TRIM44: variants seen among roughly 807,000 people sequenced by gnomAD.
TRIM44 encodes the protein tripartite motif-containing protein 44.
Under a neutral mutation model 37.4 loss-of-function variants are expected in TRIM44, and 13 were observed. The ratio of observed to expected loss-of-function variants is 0.35; its 90% CI spans 0.23 to 0.55. The LOEUF (loss-of-function observed/expected upper bound fraction) is 0.55. Ranked by LOEUF, TRIM44 falls within the 20% of genes least tolerant of loss-of-function variation. TRIM44 has a pLI of 0.89. For synonymous variants in TRIM44, 175 were observed against 157.2 expected (o/e 1.11, Z -0.85); for missense variants, 426 against 437.2 (o/e 0.97, Z 0.23).
rs914492275 is a variant in TRIM44 at position 35,738,706 on chromosome 11, G to A, written c.1007+3261G>A. ...CAAGCCAAATAGAGTTTTGTTCCAA[G>A]GGCTTCTGTATTGCTGACAGTACTA... On this transcript the variant is annotated intron_variant, in intron 4 of 4. Coordinates refer to ENST00000299413, the MANE Select transcript of TRIM44 (RefSeq NM_017583.6). Among the ~76,000 whole-genome samples the A allele has an allele frequency of 4.6e-5, 7 of 152,224 alleles. No individual in the cohort carries two copies. The South Asian group carries it at 1.5e-3, about 32-fold the overall frequency.
In TRIM44 at chr11:35,806,384, G is replaced by A. The variant is rs200834184; in HGVS notation, c.1034G>A (p.Ter345=). The change falls in exon 5 of 5, where the codon TGA becomes TAA. Residue 345 remains the stop codon, a stop_retained_variant. Transcript: ENST00000299413. ...GGTGCCAGTGAAGAAGAGGACACATGAAGGCTTGCTACCCCCAGTGGAAAA... is the reference window on the plus strand; with the variant it reads ...GGTGCCAGTGAAGAAGAGGACACATAAAGGCTTGCTACCCCCAGTGGAAAA... ...PSGASEEEDT[*] is the part of the protein sequence containing the mutation. 3.5e-5 allele frequency: 57 copies of A among 1,613,688 alleles called. No individual in the cohort carries two copies. Among genetic ancestry groups the A allele is most frequent in the Admixed American group, 1.8e-4 (11 of 60,010 alleles).
At chr11:35,792,111 A>ACACACACACTCTCTCT (rs796092540) in intron 4 of TRIM44, among the ~76,000 whole-genome samples, 118 of 114,358 alleles carry the variant, frequency 1.0e-3, no homozygotes, top group African/African-American at 1.9e-3. Flanking sequence ...ACACACACAC[A>ACACACACACTCTCTCT]CTCTCTCTCA....
intron 4 of TRIM44, among the ~76,000 whole-genome samples, chr11:35,770,149 T>A (rs1394421066): frequency 6.6e-6 from 1 of 152,196 alleles, no homozygotes; most frequent in African/African-American, 2.4e-5. Flanking sequence ...CAAATGAGAA[T>A]ATGCAGTATT....
chr11:35,723,271 A>T (rs781213699), intron 2 of TRIM44, among the ~76,000 whole-genome samples: 11 of 152,200 alleles, frequency 7.2e-5, no homozygotes, highest in Non-Finnish European at 1.3e-4. Flanking sequence ...TAAAATTAGA[A>T]GGTTAGATTC....
At chr11:35,801,453 A>G (rs977919729) in intron 4 of TRIM44, among the ~76,000 whole-genome samples, 44 of 152,204 alleles carry the variant, frequency 2.9e-4, no homozygotes, top group African/African-American at 1.0e-3. Flanking sequence ...AGGAAAAGAA[A>G]CTATTAAACT....
intron 2 of TRIM44, among the ~76,000 whole-genome samples, chr11:35,718,281 GTC>G (rs1590538640): frequency 1.3e-5 from 2 of 152,044 alleles, no homozygotes; most frequent in East Asian, 3.9e-4. Flanking sequence ...CCATTTGATG[GTC>G]ACCCCACCCC....
At chr11:35,709,009 A>G (rs960769193) in intron 2 of TRIM44, among the ~76,000 whole-genome samples, 1 of 149,658 alleles carries the variant, frequency 6.7e-6, no homozygotes, top group Admixed American at 6.6e-5. Flanking sequence ...AAAGAACTTT[A>G]CTGAGAGGAG....
intron 4 of TRIM44, among the ~76,000 whole-genome samples, chr11:35,796,751 G>A (rs1853297465): frequency 6.6e-6 from 1 of 152,176 alleles, no homozygotes; most frequent in Non-Finnish European, 1.5e-5. Context: ...CAAAGAAAAG[G>A]AAAAACTTAA....
intron 4 of TRIM44, among the ~76,000 whole-genome samples, chr11:35,774,611 T>G (rs1852925511): frequency 6.6e-6 from 1 of 152,244 alleles, no homozygotes; most frequent in African/African-American, 2.4e-5. Flanking sequence ...GTCTAACATG[T>G]AAGTCTTTAA....
At chr11:35,704,712 G>A (rs1187669769) in intron 2 of TRIM44, among the ~76,000 whole-genome samples, 1 of 152,182 alleles carries the variant, frequency 6.6e-6, no homozygotes, top group Non-Finnish European at 1.5e-5. Context: ...AGCAAATGCT[G>A]AGAGATTTTG....
At position 35,663,649 on chromosome 11, in the gene TRIM44, C is replaced by T; in HGVS notation, c.538C>T (p.Pro180Ser). Residue 180 changes from proline (P) to serine (S), a missense_variant, in exon 1 of 5, where the codon CCG becomes TCG. By Grantham distance (74) the Pro-to-Ser change is moderately conservative (BLOSUM62 -1). Transcript: ENST00000299413. ...EAERVAKRKC[P>S]DHGLDLSTYC... is the part of the protein sequence containing the mutation. Reference sequence around the variant, plus strand: ...AGAGAGAGTGGCCAAGAGGAAGTGTCCGGACCATGGGCTTGATTTGAGTAC... The same window carrying T: ...AGAGAGAGTGGCCAAGAGGAAGTGTTCGGACCATGGGCTTGATTTGAGTAC... The T allele has an allele frequency of 6.2e-7, 1 of 1,614,142 alleles. No individual in the cohort carries two copies. Among genetic ancestry groups the T allele is most frequent in the South Asian group, 1.1e-5 (1 of 91,076 alleles).
rs1172986914 is a variant in TRIM44 at position 35,751,660 on chromosome 11, CA to C, written c.1007+16217del. Among the ~76,000 whole-genome samples the C allele has an allele frequency of 4.6e-5, 7 of 152,232 alleles. No individual in the cohort carries two copies. The East Asian group carries it at 1.2e-3, about 25-fold the overall frequency. ...CCCTTTAAAAGCGTAAAGTGCTAAACAAGTGAAATAAGAGTGAATGAAATAA... is the reference window on the plus strand; with the variant it reads ...CCCTTTAAAAGCGTAAAGTGCTAAACAGTGAAATAAGAGTGAATGAAATAA... On this transcript the variant is annotated intron_variant, in intron 4 of 4. Transcript: ENST00000299413.
Position 35,810,792 on chromosome 11 carries a change from G to A in TRIM44, c.*4407G>A, listed in dbSNP as rs1267910628. 1 of 152,186 alleles carries A rather than the reference G, an allele frequency of 6.6e-6. No homozygotes were observed. The highest frequency in any genetic ancestry group is 2.1e-4 in the South Asian group (1 of 4,824). The allele number at this position is 152,186 out of a possible 1,614,324, so 9.4% of individuals were successfully genotyped here. ...TGACAGGCCACACTGCATGAATGGG[G>A]AGAACCAATGAATCCATTGTCCTCT... On this transcript the variant is annotated 3_prime_UTR_variant, in exon 5 of 5. Coordinates refer to ENST00000299413, the MANE Select transcript of TRIM44 (RefSeq NM_017583.6).
intron 1 of TRIM44, among the ~76,000 whole-genome samples, chr11:35,669,918 T>G (rs1851374523): frequency 6.6e-6 from 1 of 152,050 alleles, no homozygotes; most frequent in Admixed American, 6.6e-5. Flanking sequence ...GCCTCCTGGG[T>G]TCAAGCAGTT....
intron 4 of TRIM44, among the ~76,000 whole-genome samples, chr11:35,751,045 T>C (rs541448382): frequency 6.6e-6 from 1 of 152,178 alleles, no homozygotes; most frequent in East Asian, 1.9e-4. Flanking sequence ...TTTTTAGTAA[T>C]AACAACGCAG....
rs375637083 is a variant in TRIM44 at position 35,773,848 on chromosome 11, C to T, written c.1008-32510C>T. Among the ~76,000 whole-genome samples, 65 of 152,334 alleles carry T rather than the reference C, an allele frequency of 4.3e-4. 1 individual carries two copies. In the South Asian group the frequency reaches 0.013, roughly 31 times the overall value. ...AGTATCCCGTGGTGTATATGTGCCACATTTTCTTTATTCAGTCTATCATTG... is the reference window on the plus strand; with the variant it reads ...AGTATCCCGTGGTGTATATGTGCCATATTTTCTTTATTCAGTCTATCATTG... On this transcript the variant is annotated intron_variant, in intron 4 of 4. Coordinates refer to ENST00000299413, the MANE Select transcript of TRIM44 (RefSeq NM_017583.6).
chr11:35,774,553 T>C (rs903601562), intron 4 of TRIM44, among the ~76,000 whole-genome samples: 3 of 152,238 alleles, frequency 2.0e-5, no homozygotes, highest in Non-Finnish European at 2.9e-5. Flanking sequence ...CCTGCCTATG[T>C]CCTGAATGGT....
chr11:35,790,303 G>GT (rs1853190183), intron 4 of TRIM44, among the ~76,000 whole-genome samples: 1 of 152,168 alleles, frequency 6.6e-6, no homozygotes. Flanking sequence ...CAACACCTTA[G>GT]ACTACAGGAA....
At chr11:35,740,485 T>C (rs1259286154) in intron 4 of TRIM44, among the ~76,000 whole-genome samples, 1 of 152,152 alleles carries the variant, frequency 6.6e-6, no homozygotes, top group Non-Finnish European at 1.5e-5. Flanking sequence ...GGCTTTTTAA[T>C]AGTAACACCA....
Sources: allele counts gnomAD v4.1 joint callset (sites outside exome capture counted in the v4.1 genomes callset), GRCh38; gene constraint gnomAD v4.1.1; transcripts MANE v1.5; gene names NCBI Gene and HGNC (gene_info 2026-07-23, HGNC 2026-07-21).